The following CDK6 variants were observed in gnomAD, a reference collection of about 807,000 sequenced individuals.
CDK6 encodes the protein cyclin-dependent kinase 6.
In CDK6, 6 loss-of-function variants were observed where a neutral mutation model predicts 37.1. The observed-to-expected ratio is 0.16, with a 90% CI of 0.09 to 0.32. CDK6 has a LOEUF of 0.32. Ranked by LOEUF, CDK6 falls within the 10% of genes least tolerant of loss-of-function variation. The pLI is 1.00. For missense variants in CDK6, 224 were observed against 418.9 expected (o/e 0.53, Z 4.06); for synonymous variants, 160 against 161.3 (o/e 0.99, Z 0.06).
At chr7:92,646,437 A>G (rs189596117) in intron 5 of CDK6, among the ~76,000 whole-genome samples, 243 of 141,990 alleles carry the variant, frequency 1.7e-3, no homozygotes, top group African/African-American at 5.9e-3. Flanking sequence ...TTGCTGTGTC[A>G]CCCAGGCCAG....
At chr7:92,773,308 G>A (rs182258932) in intron 3 of CDK6, among the ~76,000 whole-genome samples, 3 of 152,218 alleles carry the variant, frequency 2.0e-5, no homozygotes, top group African/African-American at 4.8e-5. Context: ...CTTTTGAGAC[G>A]GCACTTGAAA....
intron 5 of CDK6, among the ~76,000 whole-genome samples, chr7:92,628,003 T>C (rs770788523): frequency 2.6e-5 from 4 of 152,108 alleles, no homozygotes; most frequent in African/African-American, 4.8e-5. Flanking sequence ...TATTAAAGTA[T>C]AGTGACAAAC....
chr7:92,694,840 G>A (rs1797672953), intron 4 of CDK6, among the ~76,000 whole-genome samples: 1 of 151,940 alleles, frequency 6.6e-6, no homozygotes, highest in Non-Finnish European at 1.5e-5. Flanking sequence ...TATATAAAAA[G>A]ACCACAGCAA....
At chr7:92,626,127 A>C (rs1393441105) in intron 5 of CDK6, among the ~76,000 whole-genome samples, 1 of 152,096 alleles carries the variant, frequency 6.6e-6, no homozygotes, top group Non-Finnish European at 1.5e-5. Context: ...CAGAAAATCA[A>C]TTAACTGATC....
chr7:92,779,401 C>T lies in CDK6; in HGVS notation c.234-4570G>A, dbSNP rs545871453. ...GAATTTTAAAGAGATGTGTAATAGT[C>T]CATAGAGCAGAACATTTTCACATAA... On this transcript the variant is annotated intron_variant, in intron 2 of 7. Coordinates refer to ENST00000424848, the MANE Select transcript of CDK6 (RefSeq NM_001145306.2). Among the ~76,000 whole-genome samples, 19 of 152,212 alleles carry T rather than the reference C, an allele frequency of 1.2e-4. No homozygotes were observed. In the Middle Eastern group the frequency reaches 0.014, roughly 109 times the overall value.
chr7:92,816,984 C>A (rs934506818), intron 2 of CDK6, among the ~76,000 whole-genome samples: 1 of 151,766 alleles, frequency 6.6e-6, no homozygotes, highest in Non-Finnish European at 1.5e-5. Flanking sequence ...TTGAAAAATA[C>A]AAAATTATAA....
intron 5 of CDK6, among the ~76,000 whole-genome samples, chr7:92,624,789 C>T (rs185689017): frequency 2.6e-5 from 4 of 152,196 alleles, no homozygotes; most frequent in Admixed American, 6.6e-5. Context: ...TGTATCTGGC[C>T]TAGTGCCAAG....
At chr7:92,710,916 A>T in intron 4 of CDK6, 1 of 945,704 alleles carries the variant, frequency 1.1e-6, no homozygotes, top group Non-Finnish European at 1.3e-6. Context: ...AACATGCTGG[A>T]TGCTTTATTA....
chr7:92,836,274 C>T (rs1801670527), intron 1 of CDK6, among the ~76,000 whole-genome samples: 1 of 151,766 alleles, frequency 6.6e-6, no homozygotes, highest in African/African-American at 2.4e-5. Context: ...TCTAGCTCCC[C>T]AAAACTGGCC....
In CDK6 at chr7:92,762,213, A is replaced by T. The variant is rs2115729016; in HGVS notation, c.369+12483T>A. Among the ~76,000 whole-genome samples, 2 of 152,310 alleles carry T rather than the reference A, an allele frequency of 1.3e-5. 1 individual carries two copies. Among genetic ancestry groups the T allele is most frequent in the South Asian group, 4.1e-4 (2 of 4,824 alleles). ...TCAGGCACTTACACTCAGCATAATC[A>T]CATGCTTTTTAAAAAAGCACTTTCT... On this transcript the variant is annotated intron_variant, in intron 3 of 7. Transcript: ENST00000424848.
intron 2 of CDK6, among the ~76,000 whole-genome samples, chr7:92,814,958 A>C (rs2115956523): frequency 6.6e-6 from 1 of 152,254 alleles, no homozygotes. Context: ...AATTCAGTGA[A>C]TATCAGTGAC....
intron 3 of CDK6, among the ~76,000 whole-genome samples, chr7:92,765,550 T>G (rs868218314): frequency 9.2e-5 from 14 of 152,164 alleles, no homozygotes; most frequent in Admixed American, 5.2e-4. Flanking sequence ...TTTAAAAATT[T>G]TATCCTTGAA....
chr7:92,636,078 A>G (rs1421019702), intron 5 of CDK6, among the ~76,000 whole-genome samples: 1 of 152,144 alleles, frequency 6.6e-6, no homozygotes. Flanking sequence ...ATTTTTTGAG[A>G]CAAGATCTCA....
intron 3 of CDK6, among the ~76,000 whole-genome samples, chr7:92,733,937 A>C (rs1488540815): frequency 6.6e-6 from 1 of 151,950 alleles, no homozygotes; most frequent in Non-Finnish European, 1.5e-5. Flanking sequence ...GCCTCAAGTT[A>C]TTTTCCCACC....
At chr7:92,686,978 T>C (rs908237551) in intron 4 of CDK6, among the ~76,000 whole-genome samples, 30 of 152,330 alleles carry the variant, frequency 2.0e-4, no homozygotes, top group South Asian at 1.0e-3. Context: ...TGTTTGTGGT[T>C]TTTTTCTTGC....
chr7:92,764,191 T>C (rs1186792139), intron 3 of CDK6, among the ~76,000 whole-genome samples: 1 of 151,688 alleles, frequency 6.6e-6, no homozygotes, highest in African/African-American at 2.4e-5. Flanking sequence ...CAGGCTGCTG[T>C]GCAGGGGTGT....
intron 2 of CDK6, among the ~76,000 whole-genome samples, chr7:92,804,137 C>T (rs1800662008): frequency 6.6e-6 from 1 of 152,094 alleles, no homozygotes. Flanking sequence ...TGAGGCAATG[C>T]ATTCATAATT....
chr7:92,724,101 G>A lies in CDK6; in HGVS notation c.537+1525C>T, dbSNP rs536989387. ...CCCTGATGACTCTCTGGATCACAAAGCCTATTCAAGCTTCTCCCCAGGGCC... is the reference window on the plus strand; with the variant it reads ...CCCTGATGACTCTCTGGATCACAAAACCTATTCAAGCTTCTCCCCAGGGCC... On this transcript the variant is annotated intron_variant, in intron 4 of 7. Transcript: ENST00000424848. Among the ~76,000 whole-genome samples the A allele has an allele frequency of 2.6e-5, 4 of 152,086 alleles. No homozygotes were observed. In the South Asian group the frequency reaches 6.2e-4, roughly 24 times the overall value.
chr7:92,829,511 T>C (rs1801422593), intron 2 of CDK6, among the ~76,000 whole-genome samples: 1 of 152,194 alleles, frequency 6.6e-6, no homozygotes, highest in Admixed American at 6.5e-5. Flanking sequence ...TGGGAAGAAC[T>C]GCTTCAGGAG....
Sources: gnomAD v4.1 joint callset for allele counts (sites outside exome capture counted in the v4.1 genomes callset) on GRCh38, gnomAD v4.1.1 for gene constraint, MANE v1.5 for transcripts, NCBI Gene and HGNC (gene_info 2026-07-23, HGNC 2026-07-21) for gene names.